The following IQSEC1 variants were observed in gnomAD, a reference collection of about 807,000 sequenced individuals.
The protein encoded by IQSEC1 is IQ motif and Sec7 domain ArfGEF 1, also known as IQ motif and SEC7 domain-containing protein 1.
A neutral mutation model predicts 91.0 loss-of-function variants in IQSEC1; 31 were observed. That is an observed-to-expected ratio of 0.34 (90% CI 0.26 to 0.46). The LOEUF (loss-of-function observed/expected upper bound fraction) is 0.46, where lower values mean the gene tolerates loss of function less well. IQSEC1 is among the 20% of genes least tolerant of loss of function. The pLI is 1.00. For missense variants in IQSEC1, 1,388 were observed against 1,575.6 expected (o/e 0.88, Z 2.02); for synonymous variants, 699 against 662.6 (o/e 1.05, Z -0.84).
intron 9 of IQSEC1, among the ~76,000 whole-genome samples, chr3:12,912,023 C>T (rs575982550): frequency 7.0e-4 from 106 of 152,326 alleles, no homozygotes; most frequent in Admixed American, 4.9e-3. Context: ...TGTACACACC[C>T]GGGGCTTGGC....
At chr3:12,955,180 G>A (rs1699822754) in intron 1 of IQSEC1, among the ~76,000 whole-genome samples, 1 of 152,242 alleles carries the variant, frequency 6.6e-6, no homozygotes, top group African/African-American at 2.4e-5. Flanking sequence ...CATGCTCACT[G>A]TGCTGAAAAC....
Position 12,983,757 on chromosome 3 carries a change from G to GT in IQSEC1, c.24-41893dup, listed in dbSNP as rs1482492352. Among the ~76,000 whole-genome samples, 13 of 152,256 alleles carry GT rather than the reference G, an allele frequency of 8.5e-5. 1 individual carries two copies. Among genetic ancestry groups the GT allele is most frequent in the African/African-American group, 3.1e-4 (13 of 41,538 alleles). ...TTCCCTCTCCCCTCTGGACAGCTCC[G>GT]TGAGGATAAGAATAAGGTTGTCCGA... On this transcript the variant is annotated intron_variant, in intron 1 of 13. Transcript: ENST00000613206. This position sits in a 1 kb window ranked among gnomAD's most constrained non-coding sequence, Gnocchi z 4.3.
chr3:13,028,930 A>G (rs1160690209), intron 1 of IQSEC1, among the ~76,000 whole-genome samples: 1 of 152,186 alleles, frequency 6.6e-6, no homozygotes, highest in Non-Finnish European at 1.5e-5. Context: ...TGCGCTGGCC[A>G]AGGGATCCTC....
intron 1 of IQSEC1, among the ~76,000 whole-genome samples, chr3:13,071,930 G>C (rs910315587): frequency 6.6e-6 from 1 of 152,288 alleles, no homozygotes; most frequent in South Asian, 2.1e-4. Context: ...AGCAGAGGCA[G>C]AGGTGTGTTT....
At chr3:12,916,209 C>T (rs1575891681) in intron 6 of IQSEC1, among the ~76,000 whole-genome samples, 1 of 152,168 alleles carries the variant, frequency 6.6e-6, no homozygotes, top group Non-Finnish European at 1.5e-5. Flanking sequence ...CTCAACCATG[C>T]TTGGTGTCCT....
At chr3:13,004,569 C>T (rs1702554509) in intron 1 of IQSEC1, among the ~76,000 whole-genome samples, 1 of 152,208 alleles carries the variant, frequency 6.6e-6, no homozygotes, top group Admixed American at 6.5e-5. Context: ...GGAAGTCAAA[C>T]TGTCTCCACA....
intron 6 of IQSEC1, among the ~76,000 whole-genome samples, chr3:12,919,934 G>A (rs560584536): frequency 2.0e-3 from 304 of 152,320 alleles, no homozygotes; most frequent in Middle Eastern, 0.014. Flanking sequence ...GCAGGGAGCC[G>A]GGTCTGCACT....
chr3:12,978,951 G>T (rs1483195908), intron 1 of IQSEC1, among the ~76,000 whole-genome samples: 2 of 152,184 alleles, frequency 1.3e-5, no homozygotes, highest in African/African-American at 2.4e-5. Context: ...AAGGGCAAAG[G>T]CTTGGTTAAC....
rs1706091153 is a variant in IQSEC1 at position 13,103,049 on chromosome 3, A to T, written c.303-55527T>A. Among the ~76,000 whole-genome samples the T allele has an allele frequency of 6.6e-6, 1 of 152,012 alleles. No homozygotes were observed. Among genetic ancestry groups the T allele is most frequent in the African/African-American group, 2.4e-5 (1 of 41,392 alleles). ...CCTCAACCTGTGGGCTGGATGTCGG[A>T]AGGGACTCTGACTTCTGCGCAGGGA... On this transcript the variant is annotated intron_variant, in intron 2 of 15. Coordinates refer to the IQSEC1 transcript ENST00000648114. The surrounding 1 kb of genome is among the most constrained non-coding windows in gnomAD (Gnocchi z 4.1).
chr3:13,057,321 C>T (rs185609995), intron 1 of IQSEC1, among the ~76,000 whole-genome samples: 27 of 152,194 alleles, frequency 1.8e-4, no homozygotes, highest in Non-Finnish European at 2.2e-4. Context: ...GGGGACACAG[C>T]GTATACCTGC....
intron 1 of IQSEC1, among the ~76,000 whole-genome samples, chr3:12,944,849 G>A (rs1404430632): frequency 6.6e-6 from 1 of 152,222 alleles, no homozygotes; most frequent in South Asian, 2.1e-4. Context: ...GGGAGGCACC[G>A]TCAGGGAGGG....
chr3:12,923,173 G>T (rs1379566869), intron 4 of IQSEC1, among the ~76,000 whole-genome samples: 4 of 152,212 alleles, frequency 2.6e-5, no homozygotes, highest in African/African-American at 7.2e-5. Flanking sequence ...CCCTGCAGAT[G>T]CCTGGTGTGG....
Position 13,087,257 on chromosome 3 carries a change from G to C in IQSEC1, c.303-39735C>G, listed in dbSNP as rs573209346. 2.0e-5 allele frequency among the ~76,000 whole-genome samples: 3 copies of C among 152,360 alleles called. No individual in the cohort carries two copies. The South Asian group carries it at 6.2e-4, about 32-fold the overall frequency. On this transcript the variant is annotated intron_variant, in intron 2 of 15. Coordinates refer to the IQSEC1 transcript ENST00000648114. ...AGTTAATGGGCTGGATGGAATATTT[G>C]CATCTAGAAAGTTCCCCTGATGTTT...
intron 1 of IQSEC1, among the ~76,000 whole-genome samples, chr3:13,167,454 C>G (rs141635148): frequency 2.6e-5 from 4 of 152,116 alleles, no homozygotes; most frequent in African/African-American, 9.7e-5. Flanking sequence ...ATACCAGGGC[C>G]GAAGCAGCTG....
At chr3:13,109,045 AG>A (rs937524433) in intron 2 of IQSEC1, among the ~76,000 whole-genome samples, 3 of 152,200 alleles carry the variant, frequency 2.0e-5, no homozygotes, top group Non-Finnish European at 4.4e-5. Flanking sequence ...AACAGCTCCC[AG>A]AGGCAGCTCC....
At chr3:12,926,020 G>A (rs1256948859) in intron 3 of IQSEC1, among the ~76,000 whole-genome samples, 1 of 152,188 alleles carries the variant, frequency 6.6e-6, no homozygotes, top group African/African-American at 2.4e-5. Flanking sequence ...TGGTCAAAGG[G>A]AGAGATTGGG....
intron 1 of IQSEC1, among the ~76,000 whole-genome samples, chr3:13,020,782 C>T (rs1460124860): frequency 6.6e-6 from 1 of 152,198 alleles, no homozygotes; most frequent in African/African-American, 2.4e-5. Context: ...ATTCCTCCTG[C>T]CTCAGCCTTC....
At chr3:13,099,718 C>T (rs1022373584) in intron 2 of IQSEC1, among the ~76,000 whole-genome samples, 10 of 152,214 alleles carry the variant, frequency 6.6e-5, no homozygotes, top group African/African-American at 2.4e-4. Context: ...CCCGCCAACC[C>T]GGGACAACTT....
chr3:13,143,835 A>G (rs894590551), intron 2 of IQSEC1, among the ~76,000 whole-genome samples: 2 of 152,166 alleles, frequency 1.3e-5, no homozygotes, highest in Non-Finnish European at 2.9e-5. Context: ...ATCACTGAAC[A>G]CCCAGATGCA....
Sources: gnomAD v4.1 joint callset for allele counts (sites outside exome capture counted in the v4.1 genomes callset) on GRCh38, gnomAD v4.1.1 for gene constraint, Gnocchi (gnomAD v3.1) non-coding constraint, MANE v1.5 for transcripts, NCBI Gene and HGNC (gene_info 2026-07-23, HGNC 2026-07-21) for gene names.